ZNF577: variants seen among roughly 807,000 people sequenced by gnomAD.
The protein encoded by ZNF577 is zinc finger protein 577.
Under a neutral mutation model 13.9 loss-of-function variants are expected in ZNF577, and 14 were observed. That is an observed-to-expected ratio of 1.00 (90% CI 0.66 to 1.57). The LOEUF is 1.57. Ranked by LOEUF, ZNF577 falls within the 40% of genes most tolerant of loss-of-function variation. The pLI, the probability that ZNF577 is intolerant of heterozygous loss-of-function variation, is 0.00. For missense variants in ZNF577, 555 were observed against 579.2 expected (o/e 0.96, Z 0.43); for synonymous variants, 203 against 202.9 (o/e 1.00, Z 0.00).
intron 9 of ZNF577, among the ~76,000 whole-genome samples, chr19:51,826,913 G>C (rs890445514): frequency 2.6e-5 from 4 of 152,164 alleles, no homozygotes; most frequent in African/African-American, 7.2e-5. Flanking sequence ...GGTAAGGTCA[G>C]TCAGTTGCTA....
chr19:51,822,064 T>C (rs1201108495), intron 9 of ZNF577, among the ~76,000 whole-genome samples: 1 of 152,096 alleles, frequency 6.6e-6, no homozygotes, highest in African/African-American at 2.4e-5. Flanking sequence ...CAGACCACAG[T>C]ATAAGCAAAT....
intron 5 of ZNF577, among the ~76,000 whole-genome samples, chr19:51,854,609 CA>C (rs1408176806): frequency 2.7e-5 from 4 of 150,370 alleles, no homozygotes; most frequent in African/African-American, 9.8e-5. Flanking sequence ...ACTGGGTTTA[CA>C]AGTGAGAGCC....
chr19:51,880,601 A>G (rs2122711380), intron 2 of ZNF577, 78 bp downstream of exon 2: 1 of 580,428 alleles, frequency 1.7e-6, no homozygotes, highest in East Asian at 2.9e-5. Context: ...ACACTATCTC[A>G]TTTAACCAGA....
chr19:51,808,502 T>TA (rs1375966262), intron 10 of ZNF577, among the ~76,000 whole-genome samples: 24 of 152,358 alleles, frequency 1.6e-4, no homozygotes, highest in Non-Finnish European at 2.8e-4. Context: ...GAGGCTTCTT[T>TA]AATGCCTGTC....
chr19:51,838,978 A>C (rs1216035493), intron 9 of ZNF577, among the ~76,000 whole-genome samples: 1 of 152,200 alleles, frequency 6.6e-6, no homozygotes, highest in Non-Finnish European at 1.5e-5. Context: ...TAAAATTGCC[A>C]CAGAAAGGTA....
At chr19:51,814,313 A>G (rs886208259) in intron 9 of ZNF577, among the ~76,000 whole-genome samples, 1 of 152,124 alleles carries the variant, frequency 6.6e-6, no homozygotes, top group African/African-American at 2.4e-5. Flanking sequence ...TCAGATTAAG[A>G]TATTTGAACT....
At chr19:51,880,604 T>C in intron 2 of ZNF577, 75 bp downstream of exon 2, 4 of 580,104 alleles carry the variant, frequency 6.9e-6, no homozygotes, top group South Asian at 2.1e-5. Flanking sequence ...CTATCTCATT[T>C]AACCAGACTG....
Position 51,877,313 on chromosome 19 carries a change from T to G in ZNF577, c.252A>C (p.Ala84=). 3 of 1,614,146 alleles carry G rather than the reference T, an allele frequency of 1.9e-6. No individual in the cohort carries two copies. The highest frequency in any genetic ancestry group is 2.5e-6 in the Non-Finnish European group (3 of 1,180,002). ...AGATTTGACTGTGGGCTGCTCCTTC[T>G]GCTATCCCTGGGGGTTCTCCTTGCT... The part of the protein sequence containing the change: ...KLEQGEPPGI[A]EGAAHSQICP... The change falls in exon 5 of 6, where the codon GCA becomes GCC. Residue 84 remains alanine, a synonymous_variant. Coordinates refer to ENST00000638348, the MANE Select transcript of ZNF577 (RefSeq NM_001370449.1).
At chr19:51,857,426 G>GAAAGAAAAAAGAA (rs1555745840) in intron 5 of ZNF577, among the ~76,000 whole-genome samples, 9 of 96,816 alleles carry the variant, frequency 9.3e-5, no homozygotes, top group African/African-American at 4.4e-4. Flanking sequence ...AAGAAAGAAA[G>GAAAGAAAAAAGAA]AAAAGAAAAA....
At chr19:51,806,287 G>A (rs59974934) in intron 10 of ZNF577, among the ~76,000 whole-genome samples, 1 of 152,054 alleles carries the variant, frequency 6.6e-6, no homozygotes, top group Non-Finnish European at 1.5e-5. Context: ...GCACCCACAT[G>A]GCTTGTCAAT....
chr19:51,851,935 C>G (rs1202677648), intron 5 of ZNF577, among the ~76,000 whole-genome samples: 1 of 152,192 alleles, frequency 6.6e-6, no homozygotes, highest in African/African-American at 2.4e-5. Flanking sequence ...AATACCCTCA[C>G]GCATCACCTG....
At chr19:51,858,861 T>C (rs531586312) in intron 5 of ZNF577, among the ~76,000 whole-genome samples, 7 of 152,362 alleles carry the variant, frequency 4.6e-5, no homozygotes, top group Admixed American at 4.6e-4. Flanking sequence ...AATTCAAATA[T>C]TAACAATTTT....
chr19:51,881,547 T>C (rs1319482053), intron 1 of ZNF577, among the ~76,000 whole-genome samples: 1 of 152,204 alleles, frequency 6.6e-6, no homozygotes, highest in Non-Finnish European at 1.5e-5. Flanking sequence ...CAGGTTAACA[T>C]TCTTCCTCAT....
At chr19:51,874,833 A>G (rs1000437183) in intron 5 of ZNF577, among the ~76,000 whole-genome samples, 1 of 152,204 alleles carries the variant, frequency 6.6e-6, no homozygotes, top group Non-Finnish European at 1.5e-5. Context: ...GTGAAAAAAC[A>G]AGAACATAAG....
chr19:51,877,279 TA>T lies in ZNF577; in HGVS notation c.283+2del. ...CCCATTTTCTTAGTTTTCACTCACT[TA>T]CCTGGACAGATTTGACTGTGGGCTG... On this transcript the variant is annotated splice_donor_variant, in intron 5 of 5. Transcript: ENST00000638348. LOFTEE classifies it high-confidence loss of function. The T allele has an allele frequency of 6.2e-7, 1 of 1,613,718 alleles. No homozygotes were observed. The highest frequency in any genetic ancestry group is 1.1e-5 in the South Asian group (1 of 91,068).
intron 8 of ZNF577, chr19:51,840,624 C>G (rs1192675065): frequency 6.6e-6 from 1 of 152,066 alleles, no homozygotes; most frequent in African/African-American, 2.4e-5. Context: ...AGTTGTACTT[C>G]AGAAAGATCA....
chr19:51,827,915 C>CAGTTA (rs1056931463), intron 9 of ZNF577, among the ~76,000 whole-genome samples: 6 of 149,762 alleles, frequency 4.0e-5, no homozygotes, highest in Admixed American at 1.4e-4. Context: ...CTGCTTTACT[C>CAGTTA]ATTTTCTTCT....
chr19:51,812,390 T>C (rs923345908), intron 9 of ZNF577, among the ~76,000 whole-genome samples: 3 of 152,234 alleles, frequency 2.0e-5, no homozygotes, highest in Admixed American at 6.5e-5. Flanking sequence ...GAATGTCTTA[T>C]GATGGATGAC....
rs185904104 is a variant in ZNF577, at chr19:51,883,208, G to A, written c.-218-2331C>T. ...AGGCTTCACCATCTTTGCCAGGCTG[G>A]TCTTGAACTCCTGACCTTGTGATCC... On this transcript the variant is annotated intron_variant, in intron 1 of 5. Transcript: ENST00000638348. Among the ~76,000 whole-genome samples, 819 of 152,016 alleles carry A rather than the reference G, an allele frequency of 5.4e-3. 8 individuals are homozygous for A. Among genetic ancestry groups the A allele is most frequent in the African/African-American group, 0.015 (603 of 41,452 alleles).
Sources: gnomAD v4.1 joint callset for allele counts (sites outside exome capture counted in the v4.1 genomes callset) on GRCh38, gnomAD v4.1.1 for gene constraint, MANE v1.5 for transcripts, NCBI Gene and HGNC (gene_info 2026-07-23, HGNC 2026-07-21) for gene names.